Variants in LRBA observed in about 807,000 individuals in gnomAD.
LRBA encodes the protein LPS responsive beige-like anchor protein.
In LRBA, 176 loss-of-function variants were observed where a neutral mutation model predicts 330.0. The observed-to-expected ratio is 0.53, with a 90% CI of 0.47 to 0.60. The LOEUF is 0.60. Ranked by LOEUF, LRBA falls within the 20% of genes least tolerant of loss-of-function variation. The pLI, the probability that LRBA is intolerant of heterozygous loss-of-function variation, is 0.00. For missense variants in LRBA, 3,259 were observed against 3,444.8 expected (o/e 0.95, Z 1.35); for synonymous variants, 1,230 against 1,193.0 (o/e 1.03, Z -0.64).
chr4:150,480,502 C>T (rs894460964), intron 42 of LRBA, among the ~76,000 whole-genome samples: 4 of 151,760 alleles, frequency 2.6e-5, no homozygotes, highest in Admixed American at 6.6e-5. Flanking sequence ...TTTATCAAAA[C>T]GATGAAAAGT....
At chr4:150,828,126 T>C in intron 30 of LRBA, 54 bp downstream of exon 30, 1 of 1,534,968 alleles carries the variant, frequency 6.5e-7, no homozygotes, top group Non-Finnish European at 8.9e-7. Context: ...AACCCCCATG[T>C]TGTTCAAGGG....
At chr4:150,352,811 TGTGCA>T (rs1737357186) in intron 47 of LRBA, among the ~76,000 whole-genome samples, 1 of 152,238 alleles carries the variant, frequency 6.6e-6, no homozygotes, top group Non-Finnish European at 1.5e-5. Context: ...TCTTAATTTG[TGTGCA>T]GTGCACTCTA....
At chr4:150,596,548 A>G (rs1773504914) in intron 38 of LRBA, among the ~76,000 whole-genome samples, 1 of 151,930 alleles carries the variant, frequency 6.6e-6, no homozygotes, top group Non-Finnish European at 1.5e-5. Flanking sequence ...TATCCTCATT[A>G]ATATATATTT....
intron 34 of LRBA, among the ~76,000 whole-genome samples, chr4:150,792,482 T>A (rs913684269): frequency 1.2e-4 from 19 of 152,174 alleles, no homozygotes; most frequent in Non-Finnish European, 5.9e-5. Context: ...GTATATAAAT[T>A]ATACCTCAAT....
At chr4:150,807,835 A>G (rs1427967845) in intron 32 of LRBA, among the ~76,000 whole-genome samples, 1 of 152,076 alleles carries the variant, frequency 6.6e-6, no homozygotes, top group Non-Finnish European at 1.5e-5. Flanking sequence ...TTTTTAGTAG[A>G]GATGAGTTTT....
intron 56 of LRBA, among the ~76,000 whole-genome samples, chr4:150,272,547 A>G (rs1746248386): frequency 6.6e-6 from 1 of 152,078 alleles, no homozygotes; most frequent in Non-Finnish European, 1.5e-5. Flanking sequence ...AATCCAATGC[A>G]AGGAAGCTAA....
At chr4:151,000,370 AT>A (rs927674401) in intron 2 of LRBA, among the ~76,000 whole-genome samples, 66 of 152,170 alleles carry the variant, frequency 4.3e-4, no homozygotes, top group African/African-American at 1.5e-3. Flanking sequence ...TCAGCACATG[AT>A]TTTTTTTCCT....
At chr4:150,703,827 G>A (rs973879995) in intron 36 of LRBA, among the ~76,000 whole-genome samples, 4 of 151,432 alleles carry the variant, frequency 2.6e-5, no homozygotes, top group African/African-American at 9.7e-5. Context: ...ATTTATCAAG[G>A]TTAGATTCTC....
At chr4:150,758,472 T>C (rs1438800919) in intron 35 of LRBA, among the ~76,000 whole-genome samples, 2 of 152,060 alleles carry the variant, frequency 1.3e-5, no homozygotes, top group Non-Finnish European at 1.5e-5. Flanking sequence ...AGGTTCATAA[T>C]CCTACCACTT....
intron 34 of LRBA, among the ~76,000 whole-genome samples, chr4:150,776,049 A>G (rs1410374678): frequency 1.3e-5 from 2 of 152,348 alleles, no homozygotes; most frequent in East Asian, 1.9e-4. Flanking sequence ...TGTTATTATG[A>G]AAGTATATTA....
intron 38 of LRBA, among the ~76,000 whole-genome samples, chr4:150,597,332 A>G (rs1443594426): frequency 6.6e-6 from 1 of 151,896 alleles, no homozygotes; most frequent in Non-Finnish European, 1.5e-5. Flanking sequence ...TTATTCATTA[A>G]AAATCCTGTA....
In LRBA at chr4:150,451,311, A is replaced by G. The variant is rs180740312; in HGVS notation, c.6781-14447T>C. On this transcript the variant is annotated intron_variant, in intron 44 of 56. Coordinates refer to ENST00000651943, the MANE Select transcript of LRBA (RefSeq NM_001364905.1). ...AGGTAGACTATATTCTGAGCCATCG[A>G]ACAAATTCTCAGTAACTGAAAAGAA... 1.9e-4 allele frequency among the ~76,000 whole-genome samples: 29 copies of G among 152,276 alleles called. No homozygotes were observed. In the East Asian group the frequency reaches 5.4e-3, roughly 28 times the overall value.
At chr4:150,750,210 T>C (rs1489937865) in intron 35 of LRBA, among the ~76,000 whole-genome samples, 2 of 152,232 alleles carry the variant, frequency 1.3e-5, no homozygotes, top group Admixed American at 1.3e-4. Flanking sequence ...AATTGTCTTA[T>C]TTTGATTACT....
rs556726758 is a variant in LRBA at position 150,836,730 on chromosome 4, C to G, written c.4570-4754G>C. On this transcript the variant is annotated intron_variant, in intron 28 of 56. Coordinates refer to ENST00000651943, the MANE Select transcript of LRBA (RefSeq NM_001364905.1). The stretch of plus-strand genomic sequence containing the variant: ...CTAGTGGCCTATCAATTTTGTTGAT[C>G]TTTCCAAAAAACCAGCTCCTGGATT... 5.9e-5 allele frequency among the ~76,000 whole-genome samples: 9 copies of G among 152,146 alleles called. No individual in the cohort carries two copies. In the South Asian group the frequency reaches 1.9e-3, roughly 32 times the overall value.
In LRBA at chr4:150,776,765, G is replaced by A. The variant is rs984953961; in HGVS notation, c.5581-14918C>T. 4.3e-5 allele frequency among the ~76,000 whole-genome samples: 3 copies of A among 69,470 alleles called. No individual in the cohort carries two copies. In the Admixed American group the frequency reaches 4.9e-4, roughly 11 times the overall value. The allele number at this position is 69,470 out of a possible 152,430, so 45.6% of individuals were successfully genotyped here. A position where few individuals can be genotyped will look rare whatever the true frequency, so the allele number is the denominator to read the frequency against. Reference sequence around the variant, plus strand: ...GCACAGGTTGCAGTGAGCCAAGATCGCACCACTGCACTCCAGCCTGGATGA... The same window carrying A: ...GCACAGGTTGCAGTGAGCCAAGATCACACCACTGCACTCCAGCCTGGATGA... On this transcript the variant is annotated intron_variant, in intron 34 of 56. Transcript: ENST00000651943.
rs542438634 is a variant in LRBA, at chr4:150,930,600, T to C, written c.217-1535A>G. Reference sequence around the variant, plus strand: ...GCAAGGAAGGTTCAAAACTAGGAAATAAATTAAAATTCCATTCAGCAGGAT... The same window carrying C: ...GCAAGGAAGGTTCAAAACTAGGAAACAAATTAAAATTCCATTCAGCAGGAT... On this transcript the variant is annotated intron_variant, in intron 2 of 56. Coordinates refer to ENST00000651943, the MANE Select transcript of LRBA (RefSeq NM_001364905.1). 1.8e-4 allele frequency among the ~76,000 whole-genome samples: 28 copies of C among 152,202 alleles called. No homozygotes were observed. The South Asian group carries it at 3.7e-3, about 20-fold the overall frequency.
chr4:150,861,293 G>A (rs1167726413), intron 22 of LRBA, among the ~76,000 whole-genome samples: 2 of 151,130 alleles, frequency 1.3e-5, no homozygotes, highest in Non-Finnish European at 3.0e-5. Flanking sequence ...GTGTGTGTGT[G>A]TGTGTGTGTG....
intron 22 of LRBA, among the ~76,000 whole-genome samples, chr4:150,857,065 G>A (rs1043350543): frequency 1.3e-5 from 2 of 152,098 alleles, no homozygotes; most frequent in African/African-American, 4.8e-5. Flanking sequence ...TTTAGCAACT[G>A]ACTTTGTTTT....
chr4:150,595,607 G>A (rs983428208), intron 38 of LRBA, among the ~76,000 whole-genome samples: 1 of 151,730 alleles, frequency 6.6e-6, no homozygotes, highest in East Asian at 1.9e-4. Flanking sequence ...TCTTTCTACC[G>A]TTTAAAACAT....
Sources: gnomAD v4.1 joint callset for allele counts (sites outside exome capture counted in the v4.1 genomes callset) on GRCh38, gnomAD v4.1.1 for gene constraint, MANE v1.5 for transcripts, NCBI Gene and HGNC (gene_info 2026-07-23, HGNC 2026-07-21) for gene names.